NEK1: variants seen among roughly 807,000 people sequenced by gnomAD.
NEK1 encodes serine/threonine-protein kinase Nek1.
Under a neutral mutation model 182.1 loss-of-function variants are expected in NEK1, and 137 were observed. The ratio of observed to expected loss-of-function variants is 0.75; its 90% CI spans 0.65 to 0.87. The LOEUF is 0.87. Among genes scored for constraint, NEK1 ranks in the 40% least tolerant of loss-of-function variants. The pLI, the probability that NEK1 is intolerant of heterozygous loss-of-function variation, is 0.00. For missense variants in NEK1, 1,391 were observed against 1,494.4 expected (o/e 0.93, Z 1.14); for synonymous variants, 513 against 492.2 (o/e 1.04, Z -0.56).
At chr4:169,402,868 T>A (rs1048689726) in intron 32 of NEK1, among the ~76,000 whole-genome samples, 5 of 152,104 alleles carry the variant, frequency 3.3e-5, no homozygotes, top group African/African-American at 1.2e-4. Flanking sequence ...ACATGGAATG[T>A]AAATGGAAAA....
chr4:169,505,496 T>C lies in NEK1; in HGVS notation c.2007+1541A>G, dbSNP rs1753097905. 2.6e-5 allele frequency among the ~76,000 whole-genome samples: 4 copies of C among 152,248 alleles called. No individual in the cohort carries two copies. The South Asian group carries it at 8.3e-4, about 31-fold the overall frequency. ...CATATAATACACATAACATAAAATA[T>C]ATGTTACTCTATGTTACTGGCAAGG... is the stretch of plus-strand genomic sequence containing the variant. On this transcript the variant is annotated intron_variant, in intron 23 of 35. Coordinates refer to ENST00000507142, the MANE Select transcript of NEK1 (RefSeq NM_001199397.3).
At chr4:169,539,746 C>T (rs1759098039) in intron 18 of NEK1, among the ~76,000 whole-genome samples, 1 of 152,108 alleles carries the variant, frequency 6.6e-6, no homozygotes, top group South Asian at 2.1e-4. Flanking sequence ...AGATAAGGCA[C>T]TTTTGGGGGG....
At chr4:169,499,911 C>G (rs528410435) in intron 23 of NEK1, among the ~76,000 whole-genome samples, 1 of 152,338 alleles carries the variant, frequency 6.6e-6, no homozygotes, top group South Asian at 2.1e-4. Flanking sequence ...GGGACAACCA[C>G]TACTCTCTTC....
intron 11 of NEK1, 101 bp downstream of exon 11, chr4:169,580,741 T>A (rs1766498515): frequency 1.4e-6 from 1 of 730,078 alleles, no homozygotes; most frequent in Non-Finnish European, 2.4e-6. Flanking sequence ...ATTAAATTTA[T>A]CCTAGAATTA....
At chr4:169,543,553 T>A (rs1227426662) in intron 18 of NEK1, among the ~76,000 whole-genome samples, 1 of 152,228 alleles carries the variant, frequency 6.6e-6, no homozygotes, top group Non-Finnish European at 1.5e-5. Flanking sequence ...GGGGATAGCA[T>A]TGAATCTATA....
chr4:169,546,675 T>A (rs1226369349), intron 18 of NEK1, among the ~76,000 whole-genome samples: 1 of 152,342 alleles, frequency 6.6e-6, no homozygotes, highest in African/African-American at 2.4e-5. Context: ...TGGGTACGTA[T>A]ATATTTAGGA....
intron 12 of NEK1, among the ~76,000 whole-genome samples, chr4:169,565,116 G>A (rs141820664): frequency 1.6e-3 from 238 of 152,112 alleles, no homozygotes; most frequent in African/African-American, 4.5e-3. Context: ...AACCATTTAC[G>A]TTACCACTTT....
chr4:169,572,993 A>T (rs1765111248), intron 12 of NEK1, among the ~76,000 whole-genome samples: 1 of 152,208 alleles, frequency 6.6e-6, no homozygotes, highest in Non-Finnish European at 1.5e-5. Context: ...TTGGAAGGAC[A>T]TAAGGGAAAG....
intron 24 of NEK1, 96 bp from the exon 25 acceptor site, chr4:169,477,593 A>G (rs962487705): frequency 4.5e-6 from 4 of 896,764 alleles, no homozygotes; most frequent in Admixed American, 3.0e-5. Context: ...GGTTTTCATT[A>G]ATTTGTTCCT....
At chr4:169,439,402 AC>A (rs1173577346) in intron 27 of NEK1, among the ~76,000 whole-genome samples, 2 of 152,190 alleles carry the variant, frequency 1.3e-5, no homozygotes, top group Non-Finnish European at 2.9e-5. Context: ...TTTACTCTTT[AC>A]TTCTTTCTAG....
At chr4:169,602,170 T>C in intron 3 of NEK1, 66 bp from the exon 4 acceptor site, 2 of 1,099,588 alleles carry the variant, frequency 1.8e-6, no homozygotes, top group Non-Finnish European at 2.8e-6. Context: ...AGTCCATCAA[T>C]AGGTGAGTGG....
In NEK1 at chr4:169,449,113, G is replaced by A. The variant is rs145073835; in HGVS notation, c.2588-10854C>T. On this transcript the variant is annotated intron_variant, in intron 27 of 35. Transcript: ENST00000507142. Reference sequence around the variant, plus strand: ...CAGCCTGACTCGGGGAGGGGCATCCGCCATTGCTGAGGCTTGAGTAGGTAA... The same window carrying A: ...CAGCCTGACTCGGGGAGGGGCATCCACCATTGCTGAGGCTTGAGTAGGTAA... 9.4e-3 allele frequency among the ~76,000 whole-genome samples: 1,433 copies of A among 152,354 alleles called. 23 individuals carry two copies. The highest frequency in any genetic ancestry group is 0.03 in the African/African-American group (1,264 of 41,594).
chr4:169,591,750 T>G (rs1460742986), intron 5 of NEK1, among the ~76,000 whole-genome samples: 1 of 152,128 alleles, frequency 6.6e-6, no homozygotes, highest in Admixed American at 6.5e-5. Context: ...TTTCAAAACA[T>G]GACATAAAAT....
At chr4:169,477,874 T>A (rs1346267250) in intron 24 of NEK1, among the ~76,000 whole-genome samples, 1 of 152,066 alleles carries the variant, frequency 6.6e-6, no homozygotes, top group Admixed American at 6.6e-5. Flanking sequence ...CTCTTAATTA[T>A]AACTAGAAAA....
intron 23 of NEK1, among the ~76,000 whole-genome samples, chr4:169,494,520 CA>C (rs1273752295): frequency 6.6e-6 from 1 of 152,090 alleles, no homozygotes; most frequent in African/African-American, 2.4e-5. Flanking sequence ...GGGTTGGTTC[CA>C]AGTCTTTGCT....
chr4:169,561,441 G>A, intron 16 of NEK1, 39 bp downstream of exon 16: 1 of 1,556,694 alleles, frequency 6.4e-7, no homozygotes, highest in African/African-American at 1.4e-5. Flanking sequence ...AACTGGAGGG[G>A]AAAATGGTAG....
At chr4:169,611,360 A>C (rs1333603230) in intron 2 of NEK1, among the ~76,000 whole-genome samples, 1 of 152,188 alleles carries the variant, frequency 6.6e-6, no homozygotes, top group African/African-American at 2.4e-5. Flanking sequence ...AACCTCTAAA[A>C]CCAGACAAAT....
intron 5 of NEK1, among the ~76,000 whole-genome samples, chr4:169,595,658 T>C (rs964835997): frequency 4.9e-4 from 75 of 152,178 alleles, no homozygotes; most frequent in African/African-American, 1.7e-3. Context: ...GCGCAGTGGC[T>C]CATGCCCATA....
At chr4:169,447,482 CAGTAATAGTA>C (rs926255730) in intron 27 of NEK1, among the ~76,000 whole-genome samples, 1 of 152,046 alleles carries the variant, frequency 6.6e-6, no homozygotes, top group Non-Finnish European at 1.5e-5. Flanking sequence ...TAAAATTCAC[CAGTAATAGTA>C]AGTATACAGA....
Sources: gnomAD v4.1 joint callset for allele counts (sites outside exome capture counted in the v4.1 genomes callset) on GRCh38, gnomAD v4.1.1 for gene constraint, MANE v1.5 for transcripts, NCBI Gene and HGNC (gene_info 2026-07-23, HGNC 2026-07-21) for gene names.